OLFM3: variants seen among roughly 807,000 people sequenced by gnomAD.
The protein encoded by OLFM3 is olfactomedin 3.
OLFM3 carries 20 observed loss-of-function variants against 48.6 expected under a neutral mutation model. The ratio of observed to expected loss-of-function variants is 0.41; its 90% CI spans 0.29 to 0.60. OLFM3 has a LOEUF of 0.60. OLFM3 is among the 20% of genes least tolerant of loss of function. OLFM3 has a pLI of 0.28. For synonymous variants in OLFM3, 222 were observed against 198.1 expected (o/e 1.12, Z -1.01); for missense variants, 437 against 544.3 (o/e 0.80, Z 1.96).
At chr1:101,884,497 A>G in intron 1 of OLFM3, among the ~76,000 whole-genome samples, 1 of 151,758 alleles carries the variant, frequency 6.6e-6, no homozygotes, top group Non-Finnish European at 1.5e-5. Flanking sequence ...AACAAAAACA[A>G]ACAAACAAAA....
chr1:101,941,874 C>G (rs899362903), intron 1 of OLFM3, among the ~76,000 whole-genome samples: 1 of 152,154 alleles, frequency 6.6e-6, no homozygotes, highest in Admixed American at 6.5e-5. Context: ...GAAGACCATG[C>G]TCTTAAAAAG....
chr1:101,960,628 G>A (rs1395008251), intron 1 of OLFM3, among the ~76,000 whole-genome samples: 2 of 151,228 alleles, frequency 1.3e-5, no homozygotes, highest in Non-Finnish European at 3.0e-5. Flanking sequence ...TAGTTCTTGG[G>A]TGAGTATTGC....
chr1:101,859,703 G>T (rs536870618), intron 1 of OLFM3: 2 of 152,244 alleles, frequency 1.3e-5, no homozygotes, highest in South Asian at 4.1e-4. Flanking sequence ...CATTTCAGAT[G>T]TAGATTTTCA....
chr1:101,829,752 A>G (rs576955527), intron 3 of OLFM3, among the ~76,000 whole-genome samples: 77 of 152,362 alleles, frequency 5.1e-4, no homozygotes, highest in African/African-American at 1.7e-3. Context: ...ACAGTGTTTT[A>G]TGAACTATGT....
At chr1:101,954,784 A>C (rs1036641515) in intron 1 of OLFM3, among the ~76,000 whole-genome samples, 1 of 152,088 alleles carries the variant, frequency 6.6e-6, no homozygotes, top group Non-Finnish European at 1.5e-5. Context: ...TCAAAATTTA[A>C]AACATTTAAT....
At chr1:101,848,409 G>T (rs1318950447) in intron 1 of OLFM3, among the ~76,000 whole-genome samples, 1 of 152,048 alleles carries the variant, frequency 6.6e-6, no homozygotes, top group African/African-American at 2.4e-5. Flanking sequence ...CATATTTATA[G>T]TGTGTGTATA....
chr1:101,994,126 C>T (rs1352863491), intron 1 of OLFM3, among the ~76,000 whole-genome samples: 2 of 151,302 alleles, frequency 1.3e-5, no homozygotes, highest in African/African-American at 4.8e-5. Flanking sequence ...AAATCCTATA[C>T]CTAAAAAAAA....
intron 1 of OLFM3, among the ~76,000 whole-genome samples, chr1:101,958,985 A>C (rs1278324386): frequency 6.6e-6 from 1 of 151,952 alleles, no homozygotes; most frequent in Non-Finnish European, 1.5e-5. Context: ...TGTACAATAG[A>C]TTTGCAGAAC....
chr1:101,957,197 C>T (rs777669813), intron 1 of OLFM3, among the ~76,000 whole-genome samples: 4 of 151,880 alleles, frequency 2.6e-5, no homozygotes, highest in Non-Finnish European at 5.9e-5. Context: ...TTGGGAAGGG[C>T]TATGATGAGA....
intron 1 of OLFM3, chr1:101,882,893 A>G (rs1292704540): frequency 6.6e-6 from 1 of 151,890 alleles, no homozygotes; most frequent in Non-Finnish European, 1.5e-5. Flanking sequence ...AACAACAGTA[A>G]GGTTAAAGTA....
At chr1:101,838,464 C>T (rs983005162) in intron 1 of OLFM3, among the ~76,000 whole-genome samples, 1 of 152,118 alleles carries the variant, frequency 6.6e-6, no homozygotes, top group Non-Finnish European at 1.5e-5. Context: ...TCAGCAAGAA[C>T]ATCAATAGAC....
intron 1 of OLFM3, among the ~76,000 whole-genome samples, chr1:101,854,735 T>C (rs6693196): frequency 0.52 from 79,681 of 151,800 alleles, 21,636 homozygotes; most frequent in African/African-American, 0.64. Flanking sequence ...GTGCCACTCT[T>C]AAGAGCTCAG....
chr1:101,854,376 G>C (rs1240503155), intron 1 of OLFM3, among the ~76,000 whole-genome samples: 3 of 152,028 alleles, frequency 2.0e-5, no homozygotes, highest in Non-Finnish European at 4.4e-5. Context: ...GTTCTTTAAA[G>C]GAAGGATTTC....
At chr1:101,854,723 T>C (rs1656349468) in intron 1 of OLFM3, among the ~76,000 whole-genome samples, 1 of 152,026 alleles carries the variant, frequency 6.6e-6, no homozygotes, top group South Asian at 2.1e-4. Flanking sequence ...TTTCATGATA[T>C]AGTGCCACTC....
At chr1:101,838,644 C>G (rs1010729657) in intron 1 of OLFM3, among the ~76,000 whole-genome samples, 1 of 152,046 alleles carries the variant, frequency 6.6e-6, no homozygotes, top group Non-Finnish European at 1.5e-5. Context: ...TTTCATTATA[C>G]AGATAGAAGC....
At chr1:101,825,998 G>C (rs1043272913) in intron 3 of OLFM3, among the ~76,000 whole-genome samples, 1 of 152,124 alleles carries the variant, frequency 6.6e-6, no homozygotes, top group Non-Finnish European at 1.5e-5. Context: ...ATAATTTAAA[G>C]GTCGTTATGT....
intron 1 of OLFM3, among the ~76,000 whole-genome samples, chr1:101,886,406 C>A (rs1211060888): frequency 1.3e-5 from 2 of 151,956 alleles, no homozygotes; most frequent in Non-Finnish European, 2.9e-5. Context: ...AGGGAGGAGG[C>A]CGGCTGGTAG....
rs924213959 is a variant in OLFM3, at chr1:101,803,201, G to T, written c.*1037C>A. 6.6e-6 allele frequency: 1 copy of T among 151,704 alleles called. No homozygotes were observed. The highest frequency in any genetic ancestry group is 1.5e-5 in the Non-Finnish European group (1 of 67,644). 9.4% of individuals were successfully genotyped at this position (151,704 alleles called of 1,614,324 possible). On this transcript the variant is annotated 3_prime_UTR_variant, in exon 6 of 6. Transcript: ENST00000370103. ...AGTTTTCAAATGTGCTTATTTTCAG[G>T]GTCCTGACATAAGGAATTTCATTAT... is the stretch of plus-strand genomic sequence containing the variant.
At chr1:101,919,413 A>G (rs1276262264) in intron 1 of OLFM3, among the ~76,000 whole-genome samples, 1 of 152,192 alleles carries the variant, frequency 6.6e-6, no homozygotes, top group African/African-American at 2.4e-5. Context: ...AGTGAAAGTC[A>G]CCAGTGATCA....
Sources: allele counts gnomAD v4.1 joint callset (sites outside exome capture counted in the v4.1 genomes callset), GRCh38; gene constraint gnomAD v4.1.1; transcripts MANE v1.5; gene names NCBI Gene and HGNC (gene_info 2026-07-23, HGNC 2026-07-21).